TRAF3IP1: variants seen among roughly 807,000 people sequenced by gnomAD.
TRAF3IP1 encodes TRAF3-interacting protein 1.
Under a neutral mutation model 89.9 loss-of-function variants are expected in TRAF3IP1, and 53 were observed. The observed-to-expected ratio is 0.59, with a 90% CI of 0.47 to 0.74. TRAF3IP1 has a LOEUF of 0.74. Ranked by LOEUF, TRAF3IP1 falls within the 30% of genes least tolerant of loss-of-function variation. The pLI, the probability that TRAF3IP1 is intolerant of heterozygous loss-of-function variation, is 0.00. For missense variants in TRAF3IP1, 806 were observed against 866.1 expected (o/e 0.93, Z 0.87); for synonymous variants, 311 against 322.1 (o/e 0.97, Z 0.37).
rs1224796762 is a variant in TRAF3IP1 at position 238,399,867 on chromosome 2, T to C, written c.*948T>C. The C allele has an allele frequency of 6.6e-6, 1 of 152,220 alleles. No homozygotes were observed. Among genetic ancestry groups the C allele is most frequent in the Non-Finnish European group, 1.5e-5 (1 of 68,048 alleles). The allele number at this position is 152,220 out of a possible 1,614,324, so 9.4% of individuals were successfully genotyped here. A position where few individuals can be genotyped will look rare whatever the true frequency, so the allele number is the denominator to read the frequency against. On this transcript the variant is annotated 3_prime_UTR_variant, in exon 17 of 17. Transcript: ENST00000373327. The stretch of plus-strand genomic sequence containing the variant: ...TTAGCCATTTTTTTGGAAATTGTTT[T>C]TTAAAGCAAAAGTTTTTTAAAAACA...
At chr2:238,354,022 C>T (rs1214093013) in intron 14 of TRAF3IP1, among the ~76,000 whole-genome samples, 1 of 152,240 alleles carries the variant, frequency 6.6e-6, no homozygotes, top group Non-Finnish European at 1.5e-5. Context: ...GATCCACCCG[C>T]CTTGGCCTCC....
At chr2:238,331,299 TAAAA>T (rs61126298) in intron 5 of TRAF3IP1, among the ~76,000 whole-genome samples, 2 of 120,034 alleles carry the variant, frequency 1.7e-5, no homozygotes, top group Admixed American at 8.5e-5. Context: ...CCATCTCTAC[TAAAA>T]AAAAAAAAAA....
At chr2:238,368,113 G>C (rs974707611) in intron 15 of TRAF3IP1, among the ~76,000 whole-genome samples, 2 of 152,064 alleles carry the variant, frequency 1.3e-5, no homozygotes, top group Non-Finnish European at 2.9e-5. Flanking sequence ...ATTCCTTGCT[G>C]TCTGTTTCTG....
chr2:238,337,956 T>C (rs548045823), intron 7 of TRAF3IP1, among the ~76,000 whole-genome samples: 8 of 152,142 alleles, frequency 5.3e-5, no homozygotes, highest in Non-Finnish European at 1.2e-4. Context: ...AGTTCTAGCA[T>C]ACAAGTGATG....
At chr2:238,348,401 C>T (rs943981057) in intron 10 of TRAF3IP1, among the ~76,000 whole-genome samples, 2 of 152,132 alleles carry the variant, frequency 1.3e-5, no homozygotes, top group Non-Finnish European at 2.9e-5. Flanking sequence ...GATTGATTGT[C>T]AGTATTACCA....
intron 15 of TRAF3IP1, among the ~76,000 whole-genome samples, chr2:238,366,188 C>T (rs1368845426): frequency 6.6e-6 from 1 of 151,980 alleles, no homozygotes; most frequent in Non-Finnish European, 1.5e-5. Context: ...GCAGAGATCG[C>T]GCGCGCCACT....
At position 238,351,837 on chromosome 2, in the gene TRAF3IP1, GTGT is replaced by G. The variant is rs1406170627; in HGVS notation, c.1452-989_1452-987del. Among the ~76,000 whole-genome samples, 7,622 of 56,022 alleles carry G rather than the reference GTGT, an allele frequency of 0.14. 264 individuals carry two copies. The highest frequency in any genetic ancestry group is 0.16 in the Non-Finnish European group (4,693 of 29,632). The allele number at this position is 56,022 out of a possible 152,430, so 36.8% of individuals were successfully genotyped here. ...CACTGAAGCAAGGGAGGATTTTGGT[GTGT>G]GTGTGTGTGTGTGTGTGTGTGTGTG... On this transcript the variant is annotated intron_variant, in intron 12 of 16. Transcript: ENST00000373327. The surrounding 1 kb of genome is among the most constrained non-coding windows in gnomAD (Gnocchi z 5.2).
At chr2:238,366,692 C>T (rs528135641) in intron 15 of TRAF3IP1, among the ~76,000 whole-genome samples, 71 of 152,096 alleles carry the variant, frequency 4.7e-4, no homozygotes, top group African/African-American at 1.7e-3. Context: ...GTCTTAATTT[C>T]ACCAGTACCC....
At chr2:238,356,313 A>C (rs994335928) in intron 15 of TRAF3IP1, among the ~76,000 whole-genome samples, 3 of 152,212 alleles carry the variant, frequency 2.0e-5, no homozygotes, top group African/African-American at 7.2e-5. Flanking sequence ...CCTGGGCAAC[A>C]TGGTGAAACC....
chr2:238,386,568 C>T (rs1411698720), intron 15 of TRAF3IP1, among the ~76,000 whole-genome samples: 2 of 152,138 alleles, frequency 1.3e-5, no homozygotes, highest in East Asian at 3.8e-4. Context: ...CCACCTGGGC[C>T]TCCTAAAGTG....
intron 5 of TRAF3IP1, 23 bp from the exon 6 acceptor site, chr2:238,332,801 T>A: frequency 6.4e-7 from 1 of 1,556,534 alleles, no homozygotes; most frequent in Non-Finnish European, 8.8e-7. Context: ...TTCTAAAGTT[T>A]GAATTTTTTT....
At chr2:238,343,092 A>ATTTT (rs201616700) in intron 8 of TRAF3IP1, among the ~76,000 whole-genome samples, 1 of 142,618 alleles carries the variant, frequency 7.0e-6, no homozygotes, top group Non-Finnish European at 1.5e-5. Flanking sequence ...TGGGCCCCCT[A>ATTTT]TTTTTTTTTT....
intron 15 of TRAF3IP1, among the ~76,000 whole-genome samples, chr2:238,371,183 C>G (rs1700096899): frequency 6.6e-6 from 1 of 152,124 alleles, no homozygotes; most frequent in Non-Finnish European, 1.5e-5. Flanking sequence ...GAAGCTTGAC[C>G]TTCTATGAGT....
chr2:238,397,304 C>T (rs1701269601), intron 15 of TRAF3IP1, 155 bp from the exon 16 acceptor site: 1 of 636,168 alleles, frequency 1.6e-6, no homozygotes, highest in Non-Finnish European at 2.8e-6. Context: ...GGCAGCATGG[C>T]TCTCCCTTTG....
At chr2:238,320,935 G>C (rs1297113992) in intron 1 of TRAF3IP1, 150 bp downstream of exon 1, 1 of 585,024 alleles carries the variant, frequency 1.7e-6, no homozygotes, top group East Asian at 4.8e-5. Context: ...TCGGGGCCCG[G>C]GCCGGGTGTG....
chr2:238,380,655 A>C (rs1453441695), intron 15 of TRAF3IP1, among the ~76,000 whole-genome samples: 4 of 152,138 alleles, frequency 2.6e-5, no homozygotes, highest in Non-Finnish European at 5.9e-5. Context: ...CCTCACCCTG[A>C]GCAGCCTCAG....
intron 15 of TRAF3IP1, among the ~76,000 whole-genome samples, chr2:238,361,810 C>T (rs866887246): frequency 2.0e-5 from 3 of 147,906 alleles, no homozygotes; most frequent in African/African-American, 2.6e-5. Context: ...TGATTTTGAC[C>T]GGAATCGTAT....
At chr2:238,342,099 A>T (rs1039249400) in intron 8 of TRAF3IP1, among the ~76,000 whole-genome samples, 1 of 151,788 alleles carries the variant, frequency 6.6e-6, no homozygotes, top group Non-Finnish European at 1.5e-5. Context: ...GGGGATTCTC[A>T]TGTCTCAGCC....
At position 238,400,603 on chromosome 2, in the gene TRAF3IP1, A is replaced by G. The variant is rs1047404037; in HGVS notation, c.*1684A>G. The stretch of plus-strand genomic sequence containing the variant: ...AAATTCTGTTTGATCAGATTATATT[A>G]CATACATTTTGGGGGAGTGGAGGGA... On this transcript the variant is annotated 3_prime_UTR_variant, in exon 17 of 17. Coordinates refer to ENST00000373327, the MANE Select transcript of TRAF3IP1 (RefSeq NM_015650.4). 6.6e-6 allele frequency: 1 copy of G among 152,210 alleles called. No homozygotes were observed. The highest frequency in any genetic ancestry group is 1.5e-5 in the Non-Finnish European group (1 of 68,036). 9.4% of individuals were successfully genotyped at this position (152,210 alleles called of 1,614,324 possible).
Sources: gnomAD v4.1 joint callset for allele counts (sites outside exome capture counted in the v4.1 genomes callset) on GRCh38, gnomAD v4.1.1 for gene constraint, Gnocchi (gnomAD v3.1) non-coding constraint, MANE v1.5 for transcripts, NCBI Gene and HGNC (gene_info 2026-07-23, HGNC 2026-07-21) for gene names.